Variants in ADGRL3 observed in about 807,000 individuals in gnomAD.
ADGRL3 encodes the protein calcium-independent alpha-latrotoxin receptor 3.
In ADGRL3, 62 loss-of-function variants were observed where a neutral mutation model predicts 153.5. That is an observed-to-expected ratio of 0.40 (90% CI 0.33 to 0.50). The LOEUF (loss-of-function observed/expected upper bound fraction) is 0.50, where lower values mean the gene tolerates loss of function less well. Ranked by LOEUF, ADGRL3 falls within the 20% of genes least tolerant of loss-of-function variation. The pLI is 0.47. For synonymous variants in ADGRL3, 710 were observed against 672.5 expected, an observed-to-expected ratio of 1.06 and a Z score of -0.86; for missense variants, 1,641 against 1,859.4, an observed-to-expected ratio of 0.88 and a Z score of 2.16.
intron 21 of ADGRL3, among the ~76,000 whole-genome samples, chr4:62,017,297 T>C (rs541983573): frequency 6.7e-6 from 1 of 148,706 alleles, no homozygotes; most frequent in African/African-American, 2.4e-5. Context: ...CCATTAAATA[T>C]AATATTTGCT....
chr4:62,060,436 A>G (rs1374348495), intron 25 of ADGRL3, among the ~76,000 whole-genome samples: 3 of 151,912 alleles, frequency 2.0e-5, no homozygotes, highest in African/African-American at 7.2e-5. Flanking sequence ...GAGGGAGTGT[A>G]AAGAATTTGG....
intron 4 of ADGRL3, chr4:61,579,569 C>T (rs376887387): frequency 3.7e-5 from 19 of 508,158 alleles, no homozygotes; most frequent in African/African-American, 3.5e-4. Flanking sequence ...AAGGTCACAA[C>T]TTTGTGTATG....
intron 7 of ADGRL3, 29 bp from the exon 8 acceptor site, chr4:61,732,725 A>C: frequency 8.1e-7 from 1 of 1,233,258 alleles, no homozygotes; most frequent in East Asian, 2.6e-5. Flanking sequence ...TAATATATTT[A>C]TTTATTTTAA....
At chr4:61,361,985 A>AAT (rs1183371661) in intron 1 of ADGRL3, among the ~76,000 whole-genome samples, 9 of 148,802 alleles carry the variant, frequency 6.0e-5, no homozygotes, top group East Asian at 2.0e-4. Context: ...TATATATAAA[A>AAT]ATATATATAT....
At chr4:61,322,545 T>G (rs1263476773) in intron 1 of ADGRL3, among the ~76,000 whole-genome samples, 3 of 152,204 alleles carry the variant, frequency 2.0e-5, no homozygotes, top group African/African-American at 4.8e-5. Flanking sequence ...AATACAGGCA[T>G]TGGATAAATA....
intron 4 of ADGRL3, among the ~76,000 whole-genome samples, chr4:61,551,424 G>T (rs1009382131): frequency 6.6e-6 from 1 of 152,036 alleles, no homozygotes; most frequent in Non-Finnish European, 1.5e-5. Flanking sequence ...TTAAAAAAGT[G>T]TTTTGATTAT....
chr4:61,259,977 C>T (rs995509886), intron 1 of ADGRL3, among the ~76,000 whole-genome samples: 1 of 152,104 alleles, frequency 6.6e-6, no homozygotes, highest in Non-Finnish European at 1.5e-5. Context: ...AGGGATTCCC[C>T]CCAAAACATT....
intron 2 of ADGRL3, chr4:61,428,354 C>T (rs2097307836): frequency 6.6e-6 from 1 of 152,172 alleles, no homozygotes; most frequent in Admixed American, 6.5e-5. Flanking sequence ...ACCTGTGCTC[C>T]AACCCTGCTG....
Position 61,722,993 on chromosome 4 carries a change from A to G in ADGRL3, c.584-7629A>G, listed in dbSNP as rs146348398. ...CAGAGCTGGATGTATAGAACCCAGT[A>G]ATAAGAATCAGTCAAAAATACATGT... On this transcript the variant is annotated intron_variant, in intron 6 of 26. Transcript: ENST00000683033. Among the ~76,000 whole-genome samples, 376 of 152,330 alleles carry G rather than the reference A, an allele frequency of 2.5e-3. 3 individuals carry two copies. The highest frequency in any genetic ancestry group is 8.8e-3 in the African/African-American group (367 of 41,570).
intron 5 of ADGRL3, among the ~76,000 whole-genome samples, chr4:61,601,195 T>C (rs1251008440): frequency 1.3e-5 from 2 of 152,222 alleles, no homozygotes; most frequent in Non-Finnish European, 2.9e-5. Flanking sequence ...AATTTATGTG[T>C]TACCGAATGC....
intron 4 of ADGRL3, among the ~76,000 whole-genome samples, chr4:61,552,630 AT>A (rs1008453782): frequency 2.6e-5 from 4 of 151,790 alleles, no homozygotes; most frequent in Non-Finnish European, 4.4e-5. Context: ...TGCTTGGCTA[AT>A]TTTTTATTTA....
At chr4:61,768,353 A>T (rs938731567) in intron 8 of ADGRL3, among the ~76,000 whole-genome samples, 9 of 152,016 alleles carry the variant, frequency 5.9e-5, no homozygotes, top group African/African-American at 2.2e-4. Context: ...GGGAGAGGTC[A>T]GATGGGTCTG....
chr4:61,569,206 T>C (rs1468280027), intron 4 of ADGRL3, among the ~76,000 whole-genome samples: 1 of 152,186 alleles, frequency 6.6e-6, no homozygotes, highest in African/African-American at 2.4e-5. Context: ...ATTTTTGTGC[T>C]TTTTCATAAT....
intron 4 of ADGRL3, among the ~76,000 whole-genome samples, chr4:61,528,146 A>T (rs2098584257): frequency 6.6e-6 from 1 of 152,322 alleles, no homozygotes; most frequent in Admixed American, 6.5e-5. Flanking sequence ...TTTTTCAAAT[A>T]GAAATAATAA....
chr4:61,261,189 CTTTT>C (rs56862136), intron 1 of ADGRL3, among the ~76,000 whole-genome samples: 4 of 118,250 alleles, frequency 3.4e-5, no homozygotes, highest in African/African-American at 7.1e-5. Flanking sequence ...TCATCTTCTT[CTTTT>C]TTTTTTTTTT....
chr4:61,720,072 C>CA (rs1297188426), intron 6 of ADGRL3, among the ~76,000 whole-genome samples: 1 of 145,586 alleles, frequency 6.9e-6, no homozygotes, highest in African/African-American at 2.6e-5. Flanking sequence ...GATTCTTTAG[C>CA]AAAACTCAGA....
At chr4:61,857,259 G>GT (rs1250608014) in intron 9 of ADGRL3, among the ~76,000 whole-genome samples, 2 of 151,856 alleles carry the variant, frequency 1.3e-5, no homozygotes, top group African/African-American at 4.8e-5. Flanking sequence ...CATGCTGGGA[G>GT]TAGAGTATCT....
intron 1 of ADGRL3, among the ~76,000 whole-genome samples, chr4:61,332,835 A>T (rs185887958): frequency 6.6e-6 from 1 of 151,880 alleles, no homozygotes; most frequent in Admixed American, 6.6e-5. Context: ...ATGCACTTAT[A>T]TGTTAGGCCA....
chr4:61,903,650 CAAAAAAAAAAAAAAAAAAAAAAAA>C (rs55879235), intron 11 of ADGRL3, among the ~76,000 whole-genome samples: 1 of 72,342 alleles, frequency 1.4e-5, no homozygotes, highest in South Asian at 6.8e-4. Context: ...TGGGAAACAG[CAAAAAAAAAAAAAAAAAAAAAAAA>C]AAAAAAAAAG....
Sources: gnomAD v4.1 joint callset for allele counts (sites outside exome capture counted in the v4.1 genomes callset) on GRCh38, gnomAD v4.1.1 for gene constraint, MANE v1.5 for transcripts, NCBI Gene and HGNC (gene_info 2026-07-23, HGNC 2026-07-21) for gene names.